Variants in CSMD1 observed in about 807,000 individuals in gnomAD.
CSMD1 encodes the protein CUB and Sushi multiple domains 1, also known as CUB and sushi domain-containing protein 1.
A neutral mutation model predicts 417.5 loss-of-function variants in CSMD1; 213 were observed. The ratio of observed to expected loss-of-function variants is 0.51; its 90% confidence interval spans 0.46 to 0.57. The LOEUF (loss-of-function observed/expected upper bound fraction) is 0.57, where lower values mean the gene tolerates loss of function less well. CSMD1 is among the 20% of genes least tolerant of loss of function. The pLI is 0.00. For synonymous variants in CSMD1, 2,862 were observed against 1,736.8 expected, an observed-to-expected ratio of 1.65 and a Z score of -16.11; for missense variants, 6,923 against 4,529.7, an observed-to-expected ratio of 1.53 and a Z score of -15.17.
At chr8:4,090,609 G>T (rs947025308) in intron 3 of CSMD1, among the ~76,000 whole-genome samples, 1 of 152,092 alleles carries the variant, frequency 6.6e-6, no homozygotes, top group African/African-American at 2.4e-5. Context: ...TGTGATACAC[G>T]AATTCTCAGA....
intron 4 of CSMD1, among the ~76,000 whole-genome samples, chr8:4,023,335 A>G (rs550363909): frequency 6.6e-6 from 1 of 152,318 alleles, no homozygotes; most frequent in Admixed American, 6.5e-5. Context: ...GTTTGAGCCC[A>G]TTAATACTGT....
rs1156717389 is a variant in CSMD1, at chr8:3,205,493, G to T, written c.4984+11C>A. On this transcript the variant is annotated intron_variant, in intron 31 of 69. Transcript: ENST00000635120. The stretch of plus-strand genomic sequence containing the variant: ...TATGACAATGAATTAAAAATACAAG[G>T]ACATCCTTACCGAATTCCTTTGGTA... 7.8e-6 allele frequency: 10 copies of T among 1,279,826 alleles called. No homozygotes were observed. The highest frequency in any genetic ancestry group is 1.3e-5 in the South Asian group (1 of 76,042). 79.3% of individuals were successfully genotyped at this position (1,279,826 alleles called of 1,614,324 possible).
chr8:4,283,424 CT>C (rs1397121271), intron 3 of CSMD1, among the ~76,000 whole-genome samples: 1 of 152,152 alleles, frequency 6.6e-6, no homozygotes, highest in African/African-American at 2.4e-5. Context: ...TTCTTTTCAT[CT>C]GGGTACAGGA....
At chr8:4,207,867 T>C (rs906360144) in intron 3 of CSMD1, among the ~76,000 whole-genome samples, 2 of 152,072 alleles carry the variant, frequency 1.3e-5, no homozygotes, top group Admixed American at 6.6e-5. Context: ...TGGTTCCATA[T>C]AGGTGGAGAA....
intron 26 of CSMD1, among the ~76,000 whole-genome samples, chr8:3,245,796 C>G (rs1474710035): frequency 6.6e-6 from 1 of 152,136 alleles, no homozygotes; most frequent in Non-Finnish European, 1.5e-5. Context: ...AGCCCTCTTG[C>G]TAGGGGACTA....
intron 3 of CSMD1, among the ~76,000 whole-genome samples, chr8:4,325,813 C>T (rs930894680): frequency 1.3e-5 from 2 of 152,098 alleles, no homozygotes; most frequent in African/African-American, 4.8e-5. Flanking sequence ...GCTGATGACC[C>T]TGAGAACGAC....
chr8:4,967,290 TTTCAGGCATTTTAAG>T (rs1809932009), intron 1 of CSMD1, among the ~76,000 whole-genome samples: 1 of 152,202 alleles, frequency 6.6e-6, no homozygotes, highest in South Asian at 2.1e-4. Flanking sequence ...TCTGTAGCCA[TTTCAGGCATTTTAAG>T]TTGTCCTTCT....
intron 2 of CSMD1, among the ~76,000 whole-genome samples, chr8:4,456,518 A>G (rs1349531562): frequency 1.3e-5 from 2 of 152,214 alleles, no homozygotes; most frequent in Non-Finnish European, 2.9e-5. Flanking sequence ...GTAAATGTTT[A>G]TAGTGTTGGC....
intron 3 of CSMD1, among the ~76,000 whole-genome samples, chr8:4,134,890 C>T (rs574462527): frequency 2.6e-5 from 4 of 152,254 alleles, no homozygotes; most frequent in East Asian, 1.9e-4. Context: ...ACAAATTGCT[C>T]GGAAGGCTTT....
chr8:4,139,015 G>C (rs553724504), intron 3 of CSMD1, among the ~76,000 whole-genome samples: 44,983 of 151,948 alleles, frequency 0.3, 8,077 homozygotes, highest in Non-Finnish European at 0.39. Context: ...ATGCAGAAAG[G>C]ACATATGCTG....
chr8:3,916,470 G>T (rs1042142229), intron 5 of CSMD1, among the ~76,000 whole-genome samples: 2 of 152,092 alleles, frequency 1.3e-5, no homozygotes, highest in African/African-American at 4.8e-5. Context: ...ATACATAAAG[G>T]CTTGTTAGCT....
chr8:3,957,070 C>G (rs781148820), intron 5 of CSMD1, among the ~76,000 whole-genome samples: 1 of 152,020 alleles, frequency 6.6e-6, no homozygotes, highest in Non-Finnish European at 1.5e-5. Flanking sequence ...ACAAAAACGC[C>G]GGGGGAGGCT....
chr8:4,731,914 C>T (rs1291328279), intron 1 of CSMD1, among the ~76,000 whole-genome samples: 1 of 151,854 alleles, frequency 6.6e-6, no homozygotes, highest in Admixed American at 6.6e-5. Flanking sequence ...CTTATAGGGC[C>T]AAAGATAAAA....
At chr8:4,228,222 C>G (rs1330116339) in intron 3 of CSMD1, among the ~76,000 whole-genome samples, 1 of 152,218 alleles carries the variant, frequency 6.6e-6, no homozygotes. Context: ...CTGTATCATT[C>G]CCTTCACTGT....
At chr8:3,759,904 C>CAAA (rs71203472) in intron 5 of CSMD1, among the ~76,000 whole-genome samples, 43 of 95,614 alleles carry the variant, frequency 4.5e-4, no homozygotes, top group African/African-American at 1.1e-3. Flanking sequence ...GAGACTGTCT[C>CAAA]AAAAAAAAAA....
At chr8:4,947,320 C>T (rs980064406) in intron 1 of CSMD1, among the ~76,000 whole-genome samples, 33 of 152,122 alleles carry the variant, frequency 2.2e-4, no homozygotes, top group Non-Finnish European at 8.8e-5. Flanking sequence ...GGAAAAAGGT[C>T]AGTTCTTCTC....
At chr8:3,773,525 G>A (rs762655057) in intron 5 of CSMD1, among the ~76,000 whole-genome samples, 42 of 152,112 alleles carry the variant, frequency 2.8e-4, no homozygotes, top group Non-Finnish European at 5.0e-4. Context: ...GGACTCAAGT[G>A]ATCCTCCCAC....
chr8:3,862,676 C>T (rs10503219), intron 5 of CSMD1, among the ~76,000 whole-genome samples: 6,124 of 152,184 alleles, frequency 0.04, 410 homozygotes, highest in African/African-American at 0.14. Flanking sequence ...TTGCATTCAA[C>T]GTGCTTTTCT....
At chr8:4,899,466 A>C (rs1804721249) in intron 1 of CSMD1, among the ~76,000 whole-genome samples, 1 of 152,170 alleles carries the variant, frequency 6.6e-6, no homozygotes, top group East Asian at 1.9e-4. Flanking sequence ...GCATGTCCAT[A>C]GTCAATTAAA....
Sources: gnomAD v4.1 joint callset for allele counts (sites outside exome capture counted in the v4.1 genomes callset) on GRCh38, gnomAD v4.1.1 for gene constraint, MANE v1.5 for transcripts, NCBI Gene and HGNC (gene_info 2026-07-23, HGNC 2026-07-21) for gene names.